ELF1: variants seen among roughly 807,000 people sequenced by gnomAD.
ELF1 encodes E74 like ETS transcription factor 1.
In ELF1, 24 loss-of-function variants were observed where a neutral mutation model predicts 59.9. The observed-to-expected ratio is 0.40, with a 90% confidence interval of 0.29 to 0.56. ELF1 has a LOEUF of 0.56. ELF1 is among the 20% of genes least tolerant of loss of function. The pLI is 0.44. For missense variants in ELF1, 627 were observed against 742.2 expected (o/e 0.84, Z 1.80); for synonymous variants, 248 against 266.2 (o/e 0.93, Z 0.67).
At chr13:40,993,387 TG>T in intron 1 of ELF1, 2 of 894,052 alleles carry the variant, frequency 2.2e-6, no homozygotes, top group Non-Finnish European at 1.8e-6. Flanking sequence ...AGTGCACCGA[TG>T]GGTCTGGGGG....
intron 5 of ELF1, among the ~76,000 whole-genome samples, chr13:40,944,681 CT>C (rs1467103430): frequency 6.6e-6 from 1 of 152,196 alleles, no homozygotes; most frequent in East Asian, 1.9e-4. Flanking sequence ...AGCAGCGCCA[CT>C]GCCTTGTATT....
chr13:40,964,434 GT>G (rs944497174), intron 2 of ELF1, among the ~76,000 whole-genome samples: 2 of 152,050 alleles, frequency 1.3e-5, no homozygotes, highest in Non-Finnish European at 2.9e-5. Context: ...ACTGTTCCAG[GT>G]CTCTCTCTTT....
At chr13:40,997,677 C>A (rs1346696743) in intron 1 of ELF1, among the ~76,000 whole-genome samples, 2 of 152,144 alleles carry the variant, frequency 1.3e-5, no homozygotes, top group Non-Finnish European at 2.9e-5. Context: ...CAGGTGTGAG[C>A]CACCACACTC....
At chr13:40,935,873 C>T (rs1478393629) in intron 8 of ELF1, among the ~76,000 whole-genome samples, 2 of 152,006 alleles carry the variant, frequency 1.3e-5, no homozygotes, top group Non-Finnish European at 2.9e-5. Flanking sequence ...CAGGGTTTCA[C>T]CACGTTGGCC....
chr13:40,943,169 A>C (rs1593351084), intron 6 of ELF1, 25 bp from the exon 7 acceptor site: 2 of 1,468,402 alleles, frequency 1.4e-6, no homozygotes, highest in East Asian at 4.6e-5. Flanking sequence ...ATTTCTTTCT[A>C]AATGACCAAA....
At chr13:40,985,357 CT>C (rs766412971) in intron 1 of ELF1, among the ~76,000 whole-genome samples, 8 of 152,168 alleles carry the variant, frequency 5.3e-5, no homozygotes, top group Non-Finnish European at 1.2e-4. Context: ...GACTGAAGAT[CT>C]AAATCAATGA....
chr13:40,992,511 T>C (rs906853108), intron 1 of ELF1, among the ~76,000 whole-genome samples: 1 of 152,258 alleles, frequency 6.6e-6, no homozygotes, highest in African/African-American at 2.4e-5. Flanking sequence ...TTCTAAAATT[T>C]CTGAAATGAG....
At chr13:40,942,220 G>A (rs1870216294) in intron 7 of ELF1, among the ~76,000 whole-genome samples, 1 of 152,056 alleles carries the variant, frequency 6.6e-6, no homozygotes, top group African/African-American at 2.4e-5. Context: ...CTTAAAAAGT[G>A]TATGTTAAAA....
chr13:40,945,485 C>T (rs149081477), intron 5 of ELF1, among the ~76,000 whole-genome samples: 13 of 152,002 alleles, frequency 8.6e-5, no homozygotes, highest in South Asian at 4.2e-4. Context: ...TCTCCCCGGT[C>T]GGCTTCTTTT....
intron 1 of ELF1, among the ~76,000 whole-genome samples, chr13:41,044,583 G>A (rs1219917947): frequency 6.6e-6 from 1 of 152,162 alleles, no homozygotes; most frequent in Non-Finnish European, 1.5e-5. Context: ...CTGTTTATAT[G>A]ATGGATTACG....
chr13:41,055,901 A>G (rs777746713), intron 1 of ELF1, among the ~76,000 whole-genome samples: 13 of 151,840 alleles, frequency 8.6e-5, no homozygotes, highest in Non-Finnish European at 1.2e-4. Context: ...CATGTTGCCC[A>G]GGCTGCTATT....
intron 2 of ELF1, among the ~76,000 whole-genome samples, chr13:40,980,033 T>C (rs1236421332): frequency 6.6e-6 from 1 of 152,218 alleles, no homozygotes. Context: ...GGATCTACCC[T>C]CCTGCAAAGC....
chr13:41,005,865 T>C (rs1874722948), intron 1 of ELF1, among the ~76,000 whole-genome samples: 1 of 140,734 alleles, frequency 7.1e-6, no homozygotes, highest in Middle Eastern at 3.7e-3. Context: ...ATATGATTCA[T>C]ATTCTGTATC....
rs1359090159 is a variant in ELF1 at position 40,941,269 on chromosome 13, T to C, written c.908A>G (p.Asp303Gly). The change falls in exon 8 of 9, where the codon GAT becomes GGT. Residue 303 changes from aspartate to glycine, a missense_variant. Coordinates refer to ENST00000239882, the MANE Select transcript of ELF1 (RefSeq NM_172373.4). ...PKDLIYINDE[D>G]PSSSIESSDP... ...TGAAGACTCTATGCTGGAACTTGGA[T>C]CCTCATCATTTATATATATAAGATC... The C allele has an allele frequency of 6.2e-7, 1 of 1,614,102 alleles. No individual in the cohort carries two copies. Among genetic ancestry groups the C allele is most frequent in the Admixed American group, 1.7e-5 (1 of 59,994 alleles).
At chr13:41,044,808 T>G (rs1231265025) in intron 1 of ELF1, among the ~76,000 whole-genome samples, 2 of 152,200 alleles carry the variant, frequency 1.3e-5, no homozygotes, top group Non-Finnish European at 2.9e-5. Flanking sequence ...GCTGGCCTCA[T>G]AAAATGAGTT....
intron 3 of ELF1, among the ~76,000 whole-genome samples, chr13:40,956,571 CAAAAAAAAAAAA>C (rs34245662): frequency 1.2e-4 from 9 of 76,148 alleles, no homozygotes; most frequent in South Asian, 8.8e-4. Flanking sequence ...CAAGAATGAT[CAAAAAAAAAAAA>C]AAAAAAAAAA....
intron 3 of ELF1, among the ~76,000 whole-genome samples, chr13:40,955,669 G>T (rs191443236): frequency 0.13 from 13,601 of 105,696 alleles, 638 homozygotes; most frequent in African/African-American, 0.18. Flanking sequence ...CGTCCGGGAG[G>T]GAGGTGGGGG....
At chr13:41,034,337 A>T (rs1940082460) in intron 1 of ELF1, among the ~76,000 whole-genome samples, 1 of 152,226 alleles carries the variant, frequency 6.6e-6, no homozygotes, top group Non-Finnish European at 1.5e-5. Flanking sequence ...GCACTGTACC[A>T]ATGTTAGTTT....
intron 2 of ELF1, among the ~76,000 whole-genome samples, chr13:40,968,286 G>A (rs542311035): frequency 3.2e-4 from 48 of 152,218 alleles, no homozygotes; most frequent in African/African-American, 1.0e-3. Context: ...AAAGGAAATC[G>A]CTACACACAG....
Sources: allele counts gnomAD v4.1 joint callset (sites outside exome capture counted in the v4.1 genomes callset), GRCh38; gene constraint gnomAD v4.1.1; transcripts MANE v1.5; gene names NCBI Gene and HGNC (gene_info 2026-07-23, HGNC 2026-07-21).